The following DPP10 variants were observed in gnomAD, a reference collection of about 807,000 sequenced individuals.
DPP10 encodes the protein dipeptidyl peptidase like 10.
In DPP10, 33 loss-of-function variants were observed where a neutral mutation model predicts 120.9. The ratio of observed to expected loss-of-function variants is 0.27; its 90% CI spans 0.21 to 0.37. The LOEUF is 0.37. DPP10 is among the 10% of genes least tolerant of loss of function. The probability of loss-of-function intolerance (pLI) is 1.00; values close to 1 mark genes in which losing one functional copy is unlikely to be tolerated. For synonymous variants in DPP10, 337 were observed against 326.1 expected, an observed-to-expected ratio of 1.03 and a Z score of -0.36; for missense variants, 816 against 942.8, an observed-to-expected ratio of 0.87 and a Z score of 1.76.
chr2:114,932,807 T>C (rs1696177693), intron 1 of DPP10, among the ~76,000 whole-genome samples: 2 of 152,108 alleles, frequency 1.3e-5, no homozygotes, highest in Admixed American at 6.6e-5. Context: ...ATGTTATACC[T>C]CAAAAAGAGA....
At chr2:114,965,964 CAAAAAAAAAAAAAAA>C (rs57107624) in intron 1 of DPP10, among the ~76,000 whole-genome samples, 1 of 74,808 alleles carries the variant, frequency 1.3e-5, no homozygotes, top group Non-Finnish European at 2.4e-5. Context: ...GACTCCTTCT[CAAAAAAAAAAAAAAA>C]AAAAAAAAGA....
intron 1 of DPP10, among the ~76,000 whole-genome samples, chr2:114,775,451 A>G (rs1310683779): frequency 2.0e-5 from 3 of 152,172 alleles, no homozygotes; most frequent in Non-Finnish European, 2.9e-5. Context: ...GCAGAAATAC[A>G]CTAAAGCCAT....
chr2:115,794,724 CT>C (rs1311540564), intron 19 of DPP10, among the ~76,000 whole-genome samples: 3 of 152,192 alleles, frequency 2.0e-5, no homozygotes, highest in Admixed American at 6.5e-5. Flanking sequence ...TTACTCCTGC[CT>C]TTCTGTTTAA....
chr2:114,819,167 CTTGTT>C (rs1480352225), intron 1 of DPP10, among the ~76,000 whole-genome samples: 4 of 148,986 alleles, frequency 2.7e-5, no homozygotes, highest in Admixed American at 2.7e-4. Flanking sequence ...AGCTAAGCAA[CTTGTT>C]TTGTGATTTA....
intron 1 of DPP10, among the ~76,000 whole-genome samples, chr2:114,957,634 G>T (rs1225512432): frequency 6.6e-6 from 1 of 152,188 alleles, no homozygotes; most frequent in Non-Finnish European, 1.5e-5. Flanking sequence ...TTGAAGAAAT[G>T]CCTACACTTA....
chr2:115,617,272 T>TATATA (rs58444943), intron 5 of DPP10, among the ~76,000 whole-genome samples: 15,060 of 135,700 alleles, frequency 0.11, 1,084 homozygotes, highest in African/African-American at 0.18. Context: ...TATATATTTT[T>TATATA]TATATATATA....
At chr2:114,905,295 T>C (rs1693875163) in intron 1 of DPP10, among the ~76,000 whole-genome samples, 1 of 152,126 alleles carries the variant, frequency 6.6e-6, no homozygotes, top group South Asian at 2.1e-4. Context: ...TTAACAATAA[T>C]AAATATCTTG....
At chr2:114,732,262 A>G (rs887235230) in intron 1 of DPP10, among the ~76,000 whole-genome samples, 1 of 152,208 alleles carries the variant, frequency 6.6e-6, no homozygotes, top group African/African-American at 2.4e-5. Context: ...GAAAACAGGA[A>G]ACTGGACACA....
intron 1 of DPP10, among the ~76,000 whole-genome samples, chr2:115,284,531 A>G (rs571529833): frequency 4.3e-4 from 65 of 152,180 alleles, no homozygotes; most frequent in African/African-American, 1.5e-3. Flanking sequence ...TGTAATGAAT[A>G]GATATGTTAA....
chr2:114,837,280 A>G lies in DPP10; in HGVS notation c.60+394442A>G, dbSNP rs556081831. The stretch of plus-strand genomic sequence containing the variant: ...ATTAATTTGGGGAACTAATAAATGT[A>G]CATGAAATCTTCACAATCCACGTTC... On this transcript the variant is annotated intron_variant, in intron 1 of 25. Coordinates refer to ENST00000410059, the MANE Select transcript of DPP10 (RefSeq NM_020868.6). 1.6e-3 allele frequency among the ~76,000 whole-genome samples: 250 copies of G among 152,298 alleles called. 2 individuals are homozygous for G. Among genetic ancestry groups the G allele is most frequent in the African/African-American group, 5.8e-3 (239 of 41,548 alleles).
intron 1 of DPP10, among the ~76,000 whole-genome samples, chr2:114,914,185 G>T (rs576823470): frequency 6.6e-6 from 1 of 152,068 alleles, no homozygotes; most frequent in Non-Finnish European, 1.5e-5. Context: ...CCAACCTCAC[G>T]TGCAAATCTA....
intron 1 of DPP10, among the ~76,000 whole-genome samples, chr2:115,099,133 A>C (rs1407820310): frequency 2.7e-5 from 4 of 149,696 alleles, no homozygotes; most frequent in African/African-American, 9.9e-5. Flanking sequence ...AAAAATACAA[A>C]AAAAAAAAAA....
intron 1 of DPP10, among the ~76,000 whole-genome samples, chr2:114,900,092 T>C (rs975051060): frequency 6.6e-6 from 1 of 152,256 alleles, no homozygotes; most frequent in Admixed American, 6.5e-5. Context: ...GATGGACATT[T>C]GGGTTATTTC....
At chr2:115,193,095 A>G (rs1039660200) in intron 1 of DPP10, among the ~76,000 whole-genome samples, 3 of 152,174 alleles carry the variant, frequency 2.0e-5, no homozygotes, top group South Asian at 2.1e-4. Flanking sequence ...TGTTTCTTCA[A>G]TAGTTTTACA....
intron 1 of DPP10, among the ~76,000 whole-genome samples, chr2:114,931,898 T>C (rs750789252): frequency 6.6e-6 from 1 of 152,236 alleles, no homozygotes; most frequent in Non-Finnish European, 1.5e-5. Context: ...CTCCAATTGT[T>C]GCATGGGACA....
chr2:114,728,916 G>A (rs1395603817), intron 1 of DPP10, among the ~76,000 whole-genome samples: 2 of 152,150 alleles, frequency 1.3e-5, no homozygotes, highest in Non-Finnish European at 2.9e-5. Context: ...AGAGTTTGGA[G>A]GTCTCTTTTG....
chr2:114,449,559 G>A (rs1217731303), intron 1 of DPP10, among the ~76,000 whole-genome samples: 1 of 151,684 alleles, frequency 6.6e-6, no homozygotes, highest in East Asian at 1.9e-4. Flanking sequence ...AAGGCAGATC[G>A]GATGGCTTTT....
chr2:114,937,845 G>A (rs755394287), intron 1 of DPP10, among the ~76,000 whole-genome samples: 2 of 152,090 alleles, frequency 1.3e-5, no homozygotes, highest in Non-Finnish European at 2.9e-5. Flanking sequence ...TTCCGAATGG[G>A]CAACTAAGTT....
chr2:114,703,752 A>G (rs1238109975), intron 1 of DPP10, among the ~76,000 whole-genome samples: 1 of 152,176 alleles, frequency 6.6e-6, no homozygotes, highest in Non-Finnish European at 1.5e-5. Context: ...CTGGTTCCAT[A>G]AAATAGAAAT....
Sources: allele counts gnomAD v4.1 joint callset (sites outside exome capture counted in the v4.1 genomes callset), GRCh38; gene constraint gnomAD v4.1.1; transcripts MANE v1.5; gene names NCBI Gene and HGNC (gene_info 2026-07-23, HGNC 2026-07-21).